ZMYND8: variants seen among roughly 807,000 people sequenced by gnomAD.
The protein encoded by ZMYND8 is zinc finger MYND-type containing 8, also known as MYND-type zinc finger-containing chromatin reader ZMYND8.
Under a neutral mutation model 140.8 loss-of-function variants are expected in ZMYND8, and 37 were observed. The observed-to-expected ratio is 0.26, with a 90% CI of 0.20 to 0.35. ZMYND8 has a LOEUF of 0.35. Among genes scored for constraint, ZMYND8 ranks in the 10% least tolerant of loss-of-function variants. ZMYND8 has a pLI of 1.00. For missense variants in ZMYND8, 1,068 were observed against 1,570.0 expected (o/e 0.68, Z 5.40); for synonymous variants, 592 against 597.1 (o/e 0.99, Z 0.12).
chr20:47,283,307 C>T (rs922154969), intron 9 of ZMYND8, among the ~76,000 whole-genome samples: 1 of 152,214 alleles, frequency 6.6e-6, no homozygotes, highest in Non-Finnish European at 1.5e-5. Context: ...CTCTGATGAG[C>T]TCTCTTTTAT....
At chr20:47,300,613 CTT>C in intron 3 of ZMYND8, among the ~76,000 whole-genome samples, 1 of 152,304 alleles carries the variant, frequency 6.6e-6, no homozygotes, top group East Asian at 1.9e-4. Flanking sequence ...CTATCATATA[CTT>C]TAACACGACT....
At chr20:47,308,379 C>T (rs1464478529) in intron 3 of ZMYND8, among the ~76,000 whole-genome samples, 4 of 151,682 alleles carry the variant, frequency 2.6e-5, no homozygotes, top group Admixed American at 1.3e-4. Flanking sequence ...CCACCACGCC[C>T]GGCTAATTTT....
intron 2 of ZMYND8, among the ~76,000 whole-genome samples, chr20:47,324,134 G>A (rs1169741344): frequency 2.6e-5 from 4 of 151,020 alleles, no homozygotes; most frequent in South Asian, 4.2e-4. Context: ...CCCGGGAGGC[G>A]GAGGTTGCCA....
chr20:47,226,983 G>A (rs768274897), intron 18 of ZMYND8, among the ~76,000 whole-genome samples: 11 of 152,082 alleles, frequency 7.2e-5, no homozygotes, highest in Non-Finnish European at 1.6e-4. Flanking sequence ...TTTTATTGTT[G>A]AGGCTGGTGT....
chr20:47,251,985 A>G (rs2147366761), intron 12 of ZMYND8, among the ~76,000 whole-genome samples: 1 of 152,118 alleles, frequency 6.6e-6, no homozygotes, highest in East Asian at 1.9e-4. Context: ...GTTTATTTAA[A>G]AAAAAAAAGA....
At chr20:47,266,277 G>T (rs545441228) in intron 11 of ZMYND8, among the ~76,000 whole-genome samples, 1 of 142,008 alleles carries the variant, frequency 7.0e-6, no homozygotes, top group Admixed American at 6.9e-5. Context: ...TTGTTTTTGG[G>T]GGGGAGGGGG....
intron 2 of ZMYND8, among the ~76,000 whole-genome samples, chr20:47,310,954 C>T (rs1339319364): frequency 6.6e-6 from 1 of 152,160 alleles, no homozygotes; most frequent in Non-Finnish European, 1.5e-5. Flanking sequence ...AGTCATCACA[C>T]AGGGACCAGT....
rs1232388900 is a variant in ZMYND8 at position 47,209,438 on chromosome 20, A to G, written c.*1323T>C. 4 of 132,336 alleles carry G rather than the reference A, an allele frequency of 3.0e-5. No individual in the cohort carries two copies. Among genetic ancestry groups the G allele is most frequent in the African/African-American group, 1.3e-4 (4 of 30,562 alleles). The allele number at this position is 132,336 out of a possible 1,614,324, so 8.2% of individuals were successfully genotyped here. A position where few individuals can be genotyped will look rare whatever the true frequency, so the allele number is the denominator to read the frequency against. On this transcript the variant is annotated 3_prime_UTR_variant, in exon 23 of 23. Transcript: ENST00000471951. ...TGCTAAAAGCAATTATGCTTCACAA[A>G]TAAGGCCAGCTAGGCTATTTTTTTT... is the stretch of plus-strand genomic sequence containing the variant.
intron 16 of ZMYND8, among the ~76,000 whole-genome samples, chr20:47,230,251 G>A (rs532028630): frequency 8.6e-5 from 13 of 151,540 alleles, no homozygotes; most frequent in East Asian, 1.9e-4. Flanking sequence ...GGCTGAAACC[G>A]GAGAGGCCAA....
intron 14 of ZMYND8, 91 bp from the exon 15 acceptor site, chr20:47,239,229 C>T (rs1433017390): frequency 7.1e-7 from 1 of 1,418,244 alleles, no homozygotes; most frequent in African/African-American, 1.4e-5. Flanking sequence ...CTGGGTAAAA[C>T]CTATGAAAGC....
At chr20:47,295,415 A>G (rs1274221762) in intron 4 of ZMYND8, among the ~76,000 whole-genome samples, 2 of 152,240 alleles carry the variant, frequency 1.3e-5, no homozygotes, top group East Asian at 3.8e-4. Context: ...GTATAAAAAA[A>G]GAAAGTAAAG....
At chr20:47,282,731 AAAAAAC>A (rs2076686215) in intron 9 of ZMYND8, among the ~76,000 whole-genome samples, 1 of 151,904 alleles carries the variant, frequency 6.6e-6, no homozygotes, top group Non-Finnish European at 1.5e-5. Flanking sequence ...CTCAAAAAAA[AAAAAAC>A]AAAAAAAAGA....
At chr20:47,352,846 CGG>C (rs1602205022) in intron 1 of ZMYND8, 2 of 152,286 alleles carry the variant, frequency 1.3e-5, no homozygotes, top group East Asian at 3.9e-4. Context: ...TGGGAAGTAG[CGG>C]GGAGGGTGAC....
chr20:47,334,151 TG>T (rs1457867026), intron 2 of ZMYND8, among the ~76,000 whole-genome samples: 1 of 152,158 alleles, frequency 6.6e-6, no homozygotes, highest in African/African-American at 2.4e-5. Flanking sequence ...GAAAACAGAA[TG>T]GTCGTATAGA....
intron 6 of ZMYND8, 31 bp from the exon 7 acceptor site, chr20:47,290,305 A>T (rs747445693): frequency 6.2e-7 from 1 of 1,603,252 alleles, no homozygotes; most frequent in Admixed American, 1.7e-5. Context: ...GCATAATCAC[A>T]GTGAGTCTAG....
In ZMYND8 at chr20:47,212,726, C is replaced by T. The variant is rs1488468736; in HGVS notation, c.3485-1G>A. ...GGTTGCTTGTCACACCTTTTGCTAACTGAAGAGATAGCACAGGTAGCCTCA... is the reference window on the plus strand; with the variant it reads ...GGTTGCTTGTCACACCTTTTGCTAATTGAAGAGATAGCACAGGTAGCCTCA... On this transcript the variant is annotated splice_acceptor_variant, in intron 21 of 22. Transcript: ENST00000471951. LOFTEE classifies it high-confidence loss of function. The T allele has an allele frequency of 6.2e-7, 1 of 1,610,028 alleles. No individual in the cohort carries two copies. Among genetic ancestry groups the T allele is most frequent in the Non-Finnish European group, 8.5e-7 (1 of 1,177,376 alleles).
chr20:47,256,574 C>G (rs1033714568), intron 12 of ZMYND8, among the ~76,000 whole-genome samples: 2 of 152,118 alleles, frequency 1.3e-5, no homozygotes, highest in African/African-American at 4.8e-5. Flanking sequence ...GAGCCGAGAT[C>G]GCGCCACTGC....
At chr20:47,324,095 G>C (rs371383694) in intron 2 of ZMYND8, among the ~76,000 whole-genome samples, 1 of 151,802 alleles carries the variant, frequency 6.6e-6, no homozygotes, top group Non-Finnish European at 1.5e-5. Flanking sequence ...CCAGCTGCTC[G>C]GGGGGCTAAG....
Position 47,209,493 on chromosome 20 carries a change from TTC to T in ZMYND8, c.*1266_*1267del, listed in dbSNP as rs2034980511. 6.6e-6 allele frequency: 1 copy of T among 152,156 alleles called. No individual in the cohort carries two copies. Among genetic ancestry groups the T allele is most frequent in the African/African-American group, 2.4e-5 (1 of 41,416 alleles). The allele number at this position is 152,156 out of a possible 1,614,324, so 9.4% of individuals were successfully genotyped here. A position where few individuals can be genotyped will look rare whatever the true frequency, so the allele number is the denominator to read the frequency against. On this transcript the variant is annotated 3_prime_UTR_variant, in exon 23 of 23. Coordinates refer to ENST00000471951, the MANE Select transcript of ZMYND8 (RefSeq NM_001281775.3). ...GACAACTGCAATTCACAAATGTTCT[TTC>T]TCTCCTGTTTTCTTCTAATACTCTC... is the stretch of plus-strand genomic sequence containing the variant.
Sources: allele counts gnomAD v4.1 joint callset (sites outside exome capture counted in the v4.1 genomes callset), GRCh38; gene constraint gnomAD v4.1.1; transcripts MANE v1.5; gene names NCBI Gene and HGNC (gene_info 2026-07-23, HGNC 2026-07-21).